COL11A1: variants seen among roughly 807,000 people sequenced by gnomAD.
COL11A1 encodes collagen alpha-1(XI) chain.
Under a neutral mutation model 265.2 loss-of-function variants are expected in COL11A1, and 74 were observed. That is an observed-to-expected ratio of 0.28 (90% CI 0.23 to 0.34). The LOEUF (loss-of-function observed/expected upper bound fraction) is 0.34. Among genes scored for constraint, COL11A1 ranks in the 10% least tolerant of loss-of-function variants. COL11A1 has a pLI of 1.00. For synonymous variants in COL11A1, 816 were observed against 727.6 expected (o/e 1.12, Z -1.96); for missense variants, 2,165 against 2,263.6 (o/e 0.96, Z 0.88).
At chr1:102,989,435 T>C in intron 29 of COL11A1, 83 bp downstream of exon 29, 1 of 747,764 alleles carries the variant, frequency 1.3e-6, no homozygotes, top group Non-Finnish European at 2.1e-6. Context: ...ATCATATGCT[T>C]ACTATATTTA....
At chr1:103,014,155 A>G (rs181282864) in intron 13 of COL11A1, among the ~76,000 whole-genome samples, 3 of 152,202 alleles carry the variant, frequency 2.0e-5, no homozygotes, top group Admixed American at 1.3e-4. Flanking sequence ...ATTATAACCA[A>G]TCATTGACTT....
chr1:103,047,304 C>A (rs1251272365), intron 4 of COL11A1, among the ~76,000 whole-genome samples: 1 of 152,090 alleles, frequency 6.6e-6, no homozygotes, highest in Non-Finnish European at 1.5e-5. Context: ...TTGTAGTTAT[C>A]CTTGAAGAGG....
At chr1:103,045,960 T>C (rs984903780) in intron 4 of COL11A1, among the ~76,000 whole-genome samples, 1 of 151,890 alleles carries the variant, frequency 6.6e-6, no homozygotes, top group African/African-American at 2.4e-5. Flanking sequence ...CATTTTTTTA[T>C]GGCTGCATAG....
intron 4 of COL11A1, among the ~76,000 whole-genome samples, chr1:103,049,734 A>T (rs1237142430): frequency 1.3e-5 from 2 of 152,116 alleles, no homozygotes; most frequent in Non-Finnish European, 2.9e-5. Flanking sequence ...GCAGTGGCTG[A>T]TACCGATTTT....
chr1:103,004,527 G>C, intron 19 of COL11A1, 39 bp from the exon 20 acceptor site: 1 of 1,594,598 alleles, frequency 6.3e-7, no homozygotes. Flanking sequence ...AGAACATTTG[G>C]ACAATGTATC....
chr1:102,996,525 T>A (rs888759335), intron 26 of COL11A1, among the ~76,000 whole-genome samples: 1 of 151,826 alleles, frequency 6.6e-6, no homozygotes, highest in African/African-American at 2.4e-5. Context: ...TCTATCTAGA[T>A]AAAATGTTCT....
At chr1:102,901,564 A>G (rs1038449272) in intron 54 of COL11A1, among the ~76,000 whole-genome samples, 12 of 152,182 alleles carry the variant, frequency 7.9e-5, no homozygotes, top group Admixed American at 5.9e-4. Context: ...CCAATAACTT[A>G]TTCCTCATAT....
intron 12 of COL11A1, 102 bp downstream of exon 12, chr1:103,015,566 A>C: frequency 1.1e-6 from 1 of 899,146 alleles, no homozygotes; most frequent in Non-Finnish European, 1.7e-6. Flanking sequence ...TACCTTGTAC[A>C]ATGGTTTTTA....
At chr1:103,057,034 G>A (rs1031087512) in intron 4 of COL11A1, among the ~76,000 whole-genome samples, 3 of 152,082 alleles carry the variant, frequency 2.0e-5, no homozygotes, top group African/African-American at 7.2e-5. Context: ...AGGCAATGAT[G>A]AAGTTTGCCA....
intron 4 of COL11A1, among the ~76,000 whole-genome samples, chr1:103,051,445 C>T (rs1669819686): frequency 6.6e-6 from 1 of 152,214 alleles, no homozygotes; most frequent in South Asian, 2.1e-4. Flanking sequence ...TTTTTAAGCC[C>T]ATTGGGAAAG....
intron 54 of COL11A1, among the ~76,000 whole-genome samples, chr1:102,900,927 A>T (rs1052233475): frequency 1.3e-5 from 2 of 152,190 alleles, no homozygotes; most frequent in Non-Finnish European, 2.9e-5. Context: ...TGACGACAAA[A>T]GCAGATATAC....
intron 1 of COL11A1, among the ~76,000 whole-genome samples, chr1:103,106,194 C>T (rs980174502): frequency 1.3e-5 from 2 of 152,060 alleles, no homozygotes. Flanking sequence ...TCACATATCG[C>T]CACAGAAAGG....
chr1:102,934,409 G>A (rs756619585), intron 46 of COL11A1, 40 bp downstream of exon 46: 1 of 1,420,050 alleles, frequency 7.0e-7, no homozygotes, highest in East Asian at 2.3e-5. Context: ...GTGAGAAGTA[G>A]GTAGAAATGA....
intron 41 of COL11A1, among the ~76,000 whole-genome samples, chr1:102,952,299 A>T (rs1659967743): frequency 1.3e-5 from 2 of 152,220 alleles, no homozygotes; most frequent in Admixed American, 1.3e-4. Context: ...GGGTTTCACC[A>T]TGTTGGCCAG....
At chr1:103,095,413 A>C (rs995545397) in intron 1 of COL11A1, among the ~76,000 whole-genome samples, 2 of 152,046 alleles carry the variant, frequency 1.3e-5, no homozygotes, top group African/African-American at 4.8e-5. Context: ...AAGGCCTGGA[A>C]AATAATATCA....
intron 63 of COL11A1, chr1:102,884,206 T>C (rs556647499): frequency 6.6e-6 from 1 of 152,288 alleles, no homozygotes; most frequent in East Asian, 1.9e-4. Context: ...AGGCAAGTCA[T>C]GGAAATTAGA....
chr1:103,059,404 G>A (rs1469481501), intron 4 of COL11A1, among the ~76,000 whole-genome samples: 2 of 150,906 alleles, frequency 1.3e-5, no homozygotes, highest in African/African-American at 2.5e-5. Flanking sequence ...ACATAGCTAA[G>A]GGCTTATTAA....
In COL11A1 at chr1:102,886,993, T is replaced by C. The variant is rs144404767; in HGVS notation, c.4672A>G (p.Thr1558Ala). Residue 1558 changes from threonine (T) to alanine (A), a missense_variant, in exon 63 of 67, where the codon ACT (threonine) becomes GCT (alanine). Thr to Ala is a moderately conservative substitution (Grantham distance 58). Transcript: ENST00000370096. ...ILSSKKTRRH[T>A]EGMQADADDN... Reference sequence around the variant, plus strand: ...TCTGCATCTGCTTGCATGCCTTCAGTATGTCTTCTCGTTTTTTTGGAGGAC... The same window carrying C: ...TCTGCATCTGCTTGCATGCCTTCAGCATGTCTTCTCGTTTTTTTGGAGGAC... The C allele has an allele frequency of 3.7e-6, 6 of 1,613,826 alleles. No individual in the cohort carries two copies. The African/African-American group carries it at 4.0e-5, about 11-fold the overall frequency.
intron 43 of COL11A1, 98 bp from the exon 44 acceptor site, chr1:102,939,186 C>T (rs1658461227): frequency 4.7e-6 from 5 of 1,075,032 alleles, no homozygotes; most frequent in South Asian, 3.8e-5. Flanking sequence ...AATATAATTA[C>T]ATGCTAGTGT....
Sources: gnomAD v4.1 joint callset for allele counts (sites outside exome capture counted in the v4.1 genomes callset) on GRCh38, gnomAD v4.1.1 for gene constraint, MANE v1.5 for transcripts, NCBI Gene and HGNC (gene_info 2026-07-23, HGNC 2026-07-21) for gene names.